The following TRAPPC9 variants were observed in gnomAD, a reference collection of about 807,000 sequenced individuals.
TRAPPC9 encodes the protein trafficking protein particle complex subunit 9, also known as IKK2 binding protein.
TRAPPC9 carries 83 observed loss-of-function variants against 124.0 expected under a neutral mutation model. The ratio of observed to expected loss-of-function variants is 0.67; its 90% CI spans 0.56 to 0.80. The LOEUF (loss-of-function observed/expected upper bound fraction) is 0.80. Among genes scored for constraint, TRAPPC9 ranks in the 30% least tolerant of loss-of-function variants. TRAPPC9 has a pLI of 0.00. For synonymous variants in TRAPPC9, 638 were observed against 617.5 expected, an observed-to-expected ratio of 1.03 and a Z score of -0.49; for missense variants, 1,302 against 1,508.3, an observed-to-expected ratio of 0.86 and a Z score of 2.27.
In TRAPPC9 at chr8:140,075,648, A is replaced by G. The variant is rs116993892; in HGVS notation, c.2557-51569T>C. 2.4e-3 allele frequency among the ~76,000 whole-genome samples: 365 copies of G among 152,382 alleles called. 3 individuals are homozygous for G. The East Asian group carries it at 0.03, about 13-fold the overall frequency. On this transcript the variant is annotated intron_variant, in intron 17 of 22. Transcript: ENST00000438773. ...GCATGTATATTATATGCACGTCAGT[A>G]AAGTGAGCACGGCACAGCATCATCC...
intron 17 of TRAPPC9, among the ~76,000 whole-genome samples, chr8:140,129,153 C>T (rs1054095585): frequency 6.6e-6 from 1 of 152,088 alleles, no homozygotes; most frequent in African/African-American, 2.4e-5. Flanking sequence ...CTACTTAAAT[C>T]TGTTTCTTTA....
chr8:139,944,886 G>A (rs868145394), intron 19 of TRAPPC9, among the ~76,000 whole-genome samples: 2 of 152,324 alleles, frequency 1.3e-5, no homozygotes, highest in South Asian at 2.1e-4. Flanking sequence ...ACTTTGGGAG[G>A]CCAAGGTGGG....
intron 17 of TRAPPC9, among the ~76,000 whole-genome samples, chr8:140,060,146 G>A (rs141244394): frequency 2.0e-5 from 3 of 152,294 alleles, no homozygotes; most frequent in African/African-American, 7.2e-5. Flanking sequence ...CGTTCTTTCT[G>A]ATGCCTGTTT....
intron 17 of TRAPPC9, among the ~76,000 whole-genome samples, chr8:140,147,846 A>G (rs946371346): frequency 6.6e-6 from 1 of 152,394 alleles, no homozygotes; most frequent in Non-Finnish European, 1.5e-5. Flanking sequence ...GCGGCGGCTC[A>G]GGACAAGCAC....
Position 140,196,896 on chromosome 8 carries a change from G to A in TRAPPC9, c.2556+24563C>T, listed in dbSNP as rs4736149. ...CACCTGTGATACTAAAACACTCAAC[G>A]ATCCACTATACAGATCATACCTGTG... On this transcript the variant is annotated intron_variant, in intron 17 of 22. Transcript: ENST00000438773. Among the ~76,000 whole-genome samples, 640 of 152,292 alleles carry A rather than the reference G, an allele frequency of 4.2e-3. 4 individuals are homozygous for A. The highest frequency in any genetic ancestry group is 0.011 in the African/African-American group (463 of 41,552).
Position 140,370,992 on chromosome 8 carries a change from C to T in TRAPPC9, c.1323G>A (p.Leu441=), listed in dbSNP as rs933465722. The change falls in exon 8 of 23, where the codon CTG becomes CTA. Residue 441 remains leucine (L), a synonymous_variant. Coordinates refer to ENST00000438773, the MANE Select transcript of TRAPPC9 (RefSeq NM_001160372.4). ...TGCTGAAATCTTTGGGATCCAGCGA[C>T]AGACTGTAGCCGGGCAGCGTTTCCA... is the stretch of plus-strand genomic sequence containing the variant. The part of the protein sequence containing the change: ...LLLETLPGYS[L]SLDPKDFSRG... The T allele has an allele frequency of 6.2e-7, 1 of 1,614,278 alleles. No homozygotes were observed. Among genetic ancestry groups the T allele is most frequent in the Non-Finnish European group, 8.5e-7 (1 of 1,180,054 alleles).
chr8:140,196,797 A>AACACGGGT (rs2062681919), intron 17 of TRAPPC9, among the ~76,000 whole-genome samples: 1 of 150,774 alleles, frequency 6.6e-6, no homozygotes, highest in Admixed American at 6.6e-5. Context: ...GTGACACTAA[A>AACACGGGT]ACACACTCAA....
intron 17 of TRAPPC9, among the ~76,000 whole-genome samples, chr8:140,178,917 A>G (rs2062135093): frequency 1.3e-5 from 2 of 152,100 alleles, no homozygotes; most frequent in Non-Finnish European, 2.9e-5. Flanking sequence ...TTCCATTACA[A>G]TTATTATCCT....
At chr8:140,037,835 C>T (rs902582614) in intron 17 of TRAPPC9, among the ~76,000 whole-genome samples, 6 of 143,606 alleles carry the variant, frequency 4.2e-5, no homozygotes, top group Non-Finnish European at 7.7e-5. Flanking sequence ...ACCCAACACA[C>T]ACCAACACAC....
chr8:139,894,741 G>C (rs2131177653), intron 20 of TRAPPC9, among the ~76,000 whole-genome samples: 1 of 152,348 alleles, frequency 6.6e-6, no homozygotes, highest in Non-Finnish European at 1.5e-5. Flanking sequence ...GTGCTGGCAA[G>C]ATGAGCTCAG....
intron 17 of TRAPPC9, among the ~76,000 whole-genome samples, chr8:140,140,722 C>G (rs1682339847): frequency 6.6e-6 from 1 of 152,150 alleles, no homozygotes; most frequent in African/African-American, 2.4e-5. Context: ...GTTCTTCCCT[C>G]CGAAACCTGC....
chr8:140,012,132 G>A (rs1458586979), intron 18 of TRAPPC9, among the ~76,000 whole-genome samples: 1 of 152,160 alleles, frequency 6.6e-6, no homozygotes, highest in Non-Finnish European at 1.5e-5. Context: ...TGTATAACAA[G>A]TTTGAATGAC....
chr8:140,202,349 T>C (rs147396724), intron 17 of TRAPPC9, among the ~76,000 whole-genome samples: 113 of 152,024 alleles, frequency 7.4e-4, no homozygotes, highest in African/African-American at 2.2e-3. Context: ...AAAAGGGAAA[T>C]AAAACCCAAC....
intron 21 of TRAPPC9, among the ~76,000 whole-genome samples, chr8:139,791,136 G>A (rs1016080063): frequency 1.9e-4 from 29 of 152,176 alleles, no homozygotes; most frequent in Admixed American, 9.8e-4. Flanking sequence ...TCCCAGGGGA[G>A]TGCACAAGCC....
intron 17 of TRAPPC9, among the ~76,000 whole-genome samples, chr8:140,030,858 G>C (rs1337959899): frequency 6.6e-6 from 1 of 152,196 alleles, no homozygotes; most frequent in African/African-American, 2.4e-5. Context: ...AGGCAGGAGA[G>C]GGTTAGCTGC....
At chr8:140,197,948 G>C (rs775567655) in intron 17 of TRAPPC9, among the ~76,000 whole-genome samples, 1 of 152,156 alleles carries the variant, frequency 6.6e-6, no homozygotes, top group South Asian at 2.1e-4. Context: ...AGCACATCTT[G>C]TGCAGCAAGA....
At chr8:139,900,482 G>C (rs1407993352) in intron 20 of TRAPPC9, among the ~76,000 whole-genome samples, 1 of 152,194 alleles carries the variant, frequency 6.6e-6, no homozygotes, top group Admixed American at 6.5e-5. Context: ...TGTTAAAGAA[G>C]CCCAGCCTCC....
chr8:140,379,217 AG>A (rs2132280749), intron 7 of TRAPPC9, among the ~76,000 whole-genome samples: 1 of 152,088 alleles, frequency 6.6e-6, no homozygotes, highest in Non-Finnish European at 1.5e-5. Flanking sequence ...CTGGTGTCCG[AG>A]GCAGGCCTGG....
At chr8:140,068,211 T>C (rs755063700) in intron 17 of TRAPPC9, among the ~76,000 whole-genome samples, 5 of 152,014 alleles carry the variant, frequency 3.3e-5, no homozygotes, top group East Asian at 1.9e-4. Flanking sequence ...CCTGGGGAAG[T>C]GGAAGGCTTC....
Sources: allele counts gnomAD v4.1 joint callset (sites outside exome capture counted in the v4.1 genomes callset), GRCh38; gene constraint gnomAD v4.1.1; transcripts MANE v1.5; gene names NCBI Gene and HGNC (gene_info 2026-07-23, HGNC 2026-07-21).